The following PRDM10 variants were observed in gnomAD, a reference collection of about 807,000 sequenced individuals.
PRDM10 encodes PR domain zinc finger protein 10.
PRDM10 carries 65 observed loss-of-function variants against 133.1 expected under a neutral mutation model. That is an observed-to-expected ratio of 0.49 (90% CI 0.40 to 0.60). The LOEUF is 0.60. Ranked by LOEUF, PRDM10 falls within the 20% of genes least tolerant of loss-of-function variation. The probability of loss-of-function intolerance (pLI) is 0.00; values close to 1 mark genes in which losing one functional copy is unlikely to be tolerated. For synonymous variants in PRDM10, 582 were observed against 580.4 expected (o/e 1.00, Z -0.04); for missense variants, 1,137 against 1,507.1 (o/e 0.75, Z 4.07).
At chr11:129,955,639 T>C (rs1440458849) in intron 3 of PRDM10, 68 bp from the exon 4 acceptor site, 1 of 1,489,802 alleles carries the variant, frequency 6.7e-7, no homozygotes, top group African/African-American at 1.4e-5. Flanking sequence ...AGAAAAATTA[T>C]CCTACTGCTA....
chr11:129,951,226 T>C (rs1951573791), intron 4 of PRDM10, among the ~76,000 whole-genome samples: 1 of 152,242 alleles, frequency 6.6e-6, no homozygotes, highest in Admixed American at 6.5e-5. Context: ...TTTGAATCCC[T>C]CTGAGGCCAG....
intron 1 of PRDM10, among the ~76,000 whole-genome samples, chr11:129,971,230 C>T (rs781473835): frequency 1.3e-5 from 2 of 152,284 alleles, no homozygotes; most frequent in Non-Finnish European, 2.9e-5. Context: ...GAACAAAGCT[C>T]CCACGGTGTG....
Position 129,947,682 on chromosome 11 carries a change from G to T in PRDM10, c.295-312C>A. ...CAGTGGGAGAGTCAACACTGGCAAG[G>T]CCCTGACCACCTGCGTCCTGACCCC... On this transcript the variant is annotated intron_variant, in intron 4 of 20. Coordinates refer to ENST00000360871, the MANE Select transcript of PRDM10 (RefSeq NM_199437.2). This position sits in a 1 kb window ranked among gnomAD's most constrained non-coding sequence, Gnocchi z 4.6. 2 of 699,018 alleles carry T rather than the reference G, an allele frequency of 2.9e-6. No individual in the cohort carries two copies. The highest frequency in any genetic ancestry group is 4.4e-6 in the Non-Finnish European group (2 of 453,934). The allele number at this position is 699,018 out of a possible 1,614,324, so 43.3% of individuals were successfully genotyped here. A position where few individuals can be genotyped will look rare whatever the true frequency, so the allele number is the denominator to read the frequency against.
chr11:130,002,582 T>A (rs1197570244), intron 1 of PRDM10, 140 bp downstream of exon 1: 1 of 152,454 alleles, frequency 6.6e-6, no homozygotes. Context: ...CGCGGTCGGT[T>A]GGCCCCGGCC....
chr11:129,952,829 C>T (rs1024622975), intron 4 of PRDM10, among the ~76,000 whole-genome samples: 3 of 152,084 alleles, frequency 2.0e-5, no homozygotes, highest in East Asian at 1.9e-4. Context: ...CAATTCATGG[C>T]CAATCTTATT....
chr11:129,918,907 T>C lies in PRDM10; in HGVS notation c.2035-189A>G, dbSNP rs568669201. Among the ~76,000 whole-genome samples, 1 of 152,314 alleles carries C rather than the reference T, an allele frequency of 6.6e-6. No individual in the cohort carries two copies. Among genetic ancestry groups the C allele is most frequent in the South Asian group, 2.1e-4 (1 of 4,826 alleles). ...GAGTTACTCTGTTCACTAGCAAATATGTGCATTCCAATGAACCTTGGTTTA... is the reference window on the plus strand; with the variant it reads ...GAGTTACTCTGTTCACTAGCAAATACGTGCATTCCAATGAACCTTGGTTTA... On this transcript the variant is annotated intron_variant, in intron 13 of 20. Transcript: ENST00000360871. This position sits in a 1 kb window ranked among gnomAD's most constrained non-coding sequence, Gnocchi z 5.3.
Position 129,905,688 on chromosome 11 carries a change from T to G in PRDM10, c.3217A>C (p.Ser1073Arg). The G allele has an allele frequency of 6.2e-7, 1 of 1,614,230 alleles. No individual in the cohort carries two copies. Among genetic ancestry groups the G allele is most frequent in the South Asian group, 1.1e-5 (1 of 91,086 alleles). ...GTAGTAACTGGAGTTGCCACACCAC[T>G]GTCTGTAATCACAAACTGACCCGGA... is the stretch of plus-strand genomic sequence containing the variant. ...LPPGQFVITD[S>R]GVATPVTTGQ... is the part of the protein sequence containing the mutation. Residue 1073 changes from serine (S) to arginine (R), a missense_variant, in exon 20 of 21, where the codon AGT (serine) becomes CGT (arginine). Ser to Arg is a moderately radical substitution (Grantham distance 110). Coordinates refer to ENST00000360871, the MANE Select transcript of PRDM10 (RefSeq NM_199437.2).
chr11:129,917,764 T>G (rs1174715770), intron 14 of PRDM10, among the ~76,000 whole-genome samples: 1 of 152,230 alleles, frequency 6.6e-6, no homozygotes, highest in Non-Finnish European at 1.5e-5. Context: ...CTAACCTGGA[T>G]GCACATACCC....
intron 4 of PRDM10, among the ~76,000 whole-genome samples, chr11:129,949,295 A>C (rs1447855707): frequency 1.3e-5 from 2 of 152,234 alleles, no homozygotes; most frequent in African/African-American, 2.4e-5. Context: ...TGTCTGTAAA[A>C]TGGACACAGT....
rs1249334293 is a variant in PRDM10 at position 129,923,471 on chromosome 11, G to C, written c.1879-68C>G. 2.5e-5 allele frequency: 37 copies of C among 1,505,250 alleles called. No homozygotes were observed. The highest frequency in any genetic ancestry group is 3.3e-5 in the Non-Finnish European group (37 of 1,122,924). The allele number at this position is 1,505,250 out of a possible 1,614,324, so 93.2% of individuals were successfully genotyped here. On this transcript the variant is annotated intron_variant, in intron 12 of 20. Transcript: ENST00000360871. This position sits in a 1 kb window ranked among gnomAD's most constrained non-coding sequence, Gnocchi z 4.4. ...CAAATGAAATGACCAAAGGCAGCTT[G>C]TCAACGCTAGAGGGAGCCAAACGCA...
chr11:129,937,779 C>T, intron 7 of PRDM10, 109 bp from the exon 8 acceptor site: 7 of 904,756 alleles, frequency 7.7e-6, no homozygotes, highest in Non-Finnish European at 1.2e-5. Context: ...TTTCCACAGC[C>T]CATTAACAAT....
At chr11:129,987,069 A>C (rs1173355170) in intron 1 of PRDM10, among the ~76,000 whole-genome samples, 1 of 152,242 alleles carries the variant, frequency 6.6e-6, no homozygotes, top group East Asian at 1.9e-4. Flanking sequence ...TGCAGTCAAA[A>C]TATACCTGAA....
chr11:129,956,963 T>G (rs1388639599), intron 3 of PRDM10, among the ~76,000 whole-genome samples: 1 of 152,272 alleles, frequency 6.6e-6, no homozygotes, highest in Admixed American at 6.5e-5. Context: ...GTCACTCATT[T>G]GGAAGCTATA....
chr11:129,934,797 G>A (rs1049556117), intron 9 of PRDM10, among the ~76,000 whole-genome samples: 3 of 152,220 alleles, frequency 2.0e-5, no homozygotes, highest in African/African-American at 7.2e-5. Context: ...AATCAGAGAT[G>A]CAGATTATTT....
chr11:129,910,359 G>A (rs983702328), intron 19 of PRDM10, 117 bp downstream of exon 19: 1 of 1,368,122 alleles, frequency 7.3e-7, no homozygotes. Context: ...CATTCATAGA[G>A]AGTGTAAACA....
chr11:129,903,286 G>T (rs923506342), intron 20 of PRDM10, among the ~76,000 whole-genome samples: 1 of 114,366 alleles, frequency 8.7e-6, no homozygotes, highest in South Asian at 2.9e-4. Flanking sequence ...CAACAAGAGC[G>T]AAACTCCGTC....
chr11:129,957,425 T>C (rs917054590), intron 3 of PRDM10, among the ~76,000 whole-genome samples: 1 of 152,094 alleles, frequency 6.6e-6, no homozygotes, highest in African/African-American at 2.4e-5. Flanking sequence ...TTCAAGCAAT[T>C]CTCTGCCTCA....
chr11:129,956,612 A>T (rs1360880941), intron 3 of PRDM10, among the ~76,000 whole-genome samples: 3 of 152,198 alleles, frequency 2.0e-5, no homozygotes, highest in Non-Finnish European at 4.4e-5. Context: ...CCAAATTCAG[A>T]CATTTAGTAA....
At chr11:129,983,039 C>T (rs920223617) in intron 1 of PRDM10, among the ~76,000 whole-genome samples, 2 of 152,040 alleles carry the variant, frequency 1.3e-5, no homozygotes, top group Non-Finnish European at 2.9e-5. Context: ...TGCAGTGGCA[C>T]GATCTCAGCT....
Sources: gnomAD v4.1 joint callset for allele counts (sites outside exome capture counted in the v4.1 genomes callset) on GRCh38, gnomAD v4.1.1 for gene constraint, Gnocchi (gnomAD v3.1) non-coding constraint, MANE v1.5 for transcripts, NCBI Gene and HGNC (gene_info 2026-07-23, HGNC 2026-07-21) for gene names.